Variants in KIF25 observed in about 807,000 individuals in gnomAD.
KIF25 encodes kinesin-like protein KIF25.
KIF25 carries 19 observed loss-of-function variants against 32.9 expected under a neutral mutation model. That is an observed-to-expected ratio of 0.58 (90% CI 0.40 to 0.85). KIF25 has a LOEUF of 0.85. Among genes scored for constraint, KIF25 ranks in the 40% least tolerant of loss-of-function variants. The pLI, the probability that KIF25 is intolerant of heterozygous loss-of-function variation, is 0.00. For missense variants in KIF25, 485 were observed against 507.0 expected (o/e 0.96, Z 0.42); for synonymous variants, 225 against 213.7 (o/e 1.05, Z -0.46).
At chr6:168,016,436 C>T (rs1798715460) in intron 4 of KIF25, among the ~76,000 whole-genome samples, 1 of 152,230 alleles carries the variant, frequency 6.6e-6, no homozygotes. Flanking sequence ...CCACGGACCG[C>T]CCCAGCCACC....
rs1798446538 is a variant in KIF25, at chr6:167,998,114, A to C, written c.-1355A>C. ...TGGGTTGCTATAAAGACAAAGGGAG[A>C]TATCAGTGAAGCACCTGGCACTTCA... On this transcript the variant is annotated 5_prime_UTR_variant, in exon 1 of 13. Coordinates refer to ENST00000643607, the MANE Select transcript of KIF25 (RefSeq NM_030615.4). 1 of 151,084 alleles carries C rather than the reference A, an allele frequency of 6.6e-6. No individual in the cohort carries two copies. Among genetic ancestry groups the C allele is most frequent in the East Asian group, 1.9e-4 (1 of 5,156 alleles). The allele number at this position is 151,084 out of a possible 1,614,324, so 9.4% of individuals were successfully genotyped here. A position where few individuals can be genotyped will look rare whatever the true frequency, so the allele number is the denominator to read the frequency against.
rs75932780 is a variant in KIF25, at chr6:168,025,576, A to G, written c.-94-3916A>G. 3.6e-3 allele frequency among the ~76,000 whole-genome samples: 547 copies of G among 152,146 alleles called. 2 individuals are homozygous for G. The highest frequency in any genetic ancestry group is 0.013 in the African/African-American group (521 of 41,486). ...TTCCTTCCTCCCGACCCCACCTCCA[A>G]TCCTTGCAGTTTACTGTTACACACC... On this transcript the variant is annotated intron_variant, in intron 5 of 12. Coordinates refer to ENST00000643607, the MANE Select transcript of KIF25 (RefSeq NM_030615.4).
chr6:168,040,158 C>G lies in KIF25; in HGVS notation c.588C>G (p.Ser196=). The G allele has an allele frequency of 6.2e-7, 1 of 1,614,106 alleles. No homozygotes were observed. Among genetic ancestry groups the G allele is most frequent in the East Asian group, 2.2e-5 (1 of 44,888 alleles). Residue 196 remains serine, a synonymous_variant, in exon 10 of 13, where the codon TCC becomes TCG. Coordinates refer to ENST00000643607, the MANE Select transcript of KIF25 (RefSeq NM_030615.4). ...KHPTLVHADS[S]RSHLIITVTL... Reference sequence around the variant, plus strand: ...CCACCCTGGTGCACGCGGATTCCTCCAGGTCTCACCTGATAATTACGGTGA... The same window carrying G: ...CCACCCTGGTGCACGCGGATTCCTCGAGGTCTCACCTGATAATTACGGTGA...
chr6:168,037,363 T>C (rs60544866), intron 8 of KIF25, among the ~76,000 whole-genome samples: 4,183 of 152,312 alleles, frequency 0.027, 207 homozygotes, highest in African/African-American at 0.096. Flanking sequence ...GATTTTCCCT[T>C]GAGTACAGAT....
intron 8 of KIF25, among the ~76,000 whole-genome samples, chr6:168,036,435 A>T (rs1670568553): frequency 6.6e-6 from 1 of 152,186 alleles, no homozygotes; most frequent in South Asian, 2.1e-4. Flanking sequence ...GAGTCAGGGG[A>T]GCTGCGTGCA....
intron 4 of KIF25, among the ~76,000 whole-genome samples, chr6:168,016,800 C>G (rs906314018): frequency 2.6e-5 from 4 of 152,230 alleles, no homozygotes; most frequent in Non-Finnish European, 5.9e-5. Flanking sequence ...AGCCAGGGCG[C>G]TGTTTCATTA....
intron 12 of KIF25, among the ~76,000 whole-genome samples, chr6:168,042,978 C>T (rs550916292): frequency 8.9e-4 from 136 of 152,318 alleles, no homozygotes; most frequent in Non-Finnish European, 1.7e-3. Context: ...GCAGCCCTGG[C>T]CTTTCTCTTC....
chr6:168,040,301 C>T (rs756160727), intron 10 of KIF25, 85 bp downstream of exon 10: 1 of 1,370,166 alleles, frequency 7.3e-7, no homozygotes, highest in East Asian at 2.5e-5. Flanking sequence ...CACAGTGGCT[C>T]ACGCCTGTAA....
chr6:168,010,505 G>C (rs1798633621), intron 4 of KIF25, among the ~76,000 whole-genome samples: 1 of 152,026 alleles, frequency 6.6e-6, no homozygotes, highest in Non-Finnish European at 1.5e-5. Flanking sequence ...ATGTGGTTTT[G>C]ATTGAAAAAA....
intron 5 of KIF25, among the ~76,000 whole-genome samples, chr6:168,023,465 A>G (rs189392414): frequency 9.2e-5 from 14 of 152,146 alleles, no homozygotes; most frequent in Non-Finnish European, 1.3e-4. Context: ...ACAGGGTTTC[A>G]CCATGTTGGC....
chr6:168,031,306 T>C lies in KIF25; in HGVS notation c.167+459T>C, dbSNP rs1407112716. 1.0e-4 allele frequency among the ~76,000 whole-genome samples: 14 copies of C among 136,464 alleles called. No homozygotes were observed. In the Admixed American group the frequency reaches 1.1e-3, roughly 10 times the overall value. The allele number at this position is 136,464 out of a possible 152,430, so 89.5% of individuals were successfully genotyped here. On this transcript the variant is annotated intron_variant, in intron 7 of 12. Transcript: ENST00000643607. ...GGGCTGTAATTTAGGAATGAAGAATTTTTTTTTACTTAATGGAGACACCTT... is the reference window on the plus strand; with the variant it reads ...GGGCTGTAATTTAGGAATGAAGAATCTTTTTTTACTTAATGGAGACACCTT...
Position 168,042,035 on chromosome 6 carries a change from G to A in KIF25, c.713G>A (p.Arg238His), listed in dbSNP as rs536727400. 94 of 1,551,458 alleles carry A rather than the reference G, an allele frequency of 6.1e-5. No individual in the cohort carries two copies. The East Asian group carries it at 1.1e-3, about 18-fold the overall frequency. ...GAGGCAGGAAGGGCAGGAAGGAGCC[G>A]CAGAGCTTCTCAAGGGGCCTTGGCT... is the stretch of plus-strand genomic sequence containing the variant. Reference protein sequence around the residue: ...QTEAGRAGRSRRASQGALAPQ... With the variant: ...QTEAGRAGRSHRASQGALAPQ... Residue 238 changes from arginine (R) to histidine (H), a missense_variant, in exon 11 of 13, where the codon CGC becomes CAC. Arg to His is a conservative substitution (Grantham distance 29). This residue lies in a region of KIF25 where 480 missense variants were observed against 470.3 expected (regional missense o/e 1.02). Transcript: ENST00000643607.
Position 168,044,845 on chromosome 6 carries a change from T to C in KIF25, c.1004T>C (p.Leu335Pro), listed in dbSNP as rs1161090175. 4 of 1,592,996 alleles carry C rather than the reference T, an allele frequency of 2.5e-6. No individual in the cohort carries two copies. In the Admixed American group the frequency reaches 5.3e-5, roughly 21 times the overall value. ...TTTAAAGGAGGCGATGCGAAGTTAC[T>C]GGTGATTCTCTGCATTTCTCCCAGC... ...QDCLGGDAKL[L>P]VILCISPSQR... Residue 335 changes from leucine (L) to proline (P), a missense_variant, in exon 13 of 13, where the codon CTG (leucine) becomes CCG (proline). Around this residue, in one of 2 missense-constraint regions of KIF25, gnomAD observed 480 missense variants for 470.3 expected, o/e 1.02. Coordinates refer to ENST00000643607, the MANE Select transcript of KIF25 (RefSeq NM_030615.4).
chr6:168,029,749 T>G, intron 6 of KIF25, 72 bp downstream of exon 6: 1 of 1,511,728 alleles, frequency 6.6e-7, no homozygotes, highest in Non-Finnish European at 8.9e-7. Context: ...GGCTCACTTT[T>G]CTATTCTTTC....
At chr6:168,005,601 G>T (rs933470301) in intron 4 of KIF25, among the ~76,000 whole-genome samples, 5 of 152,170 alleles carry the variant, frequency 3.3e-5, no homozygotes, top group Non-Finnish European at 5.9e-5. Context: ...CGATCACAAG[G>T]TCCCACAACA....
chr6:168,034,506 G>A (rs1439105349), intron 8 of KIF25, among the ~76,000 whole-genome samples: 1 of 152,104 alleles, frequency 6.6e-6, no homozygotes, highest in Non-Finnish European at 1.5e-5. Flanking sequence ...TGATCCACTC[G>A]CCTCGGCCTC....
rs1427223119 is a variant in KIF25 at position 168,034,049 on chromosome 6, G to T, written c.317+18G>T. 2 of 1,613,036 alleles carry T rather than the reference G, an allele frequency of 1.2e-6. No homozygotes were observed. Among genetic ancestry groups the T allele is most frequent in the South Asian group, 1.1e-5 (1 of 90,986 alleles). On this transcript the variant is annotated intron_variant, in intron 8 of 12. Transcript: ENST00000643607. Reference sequence around the variant, plus strand: ...CTCTTCAGGTACTGCCGATGGTGATGAGTGGGGCAGAGAAATATGGCAGGG... The same window carrying T: ...CTCTTCAGGTACTGCCGATGGTGATTAGTGGGGCAGAGAAATATGGCAGGG...
At chr6:168,001,817 T>C (rs569447003) in intron 2 of KIF25, among the ~76,000 whole-genome samples, 45 of 80,800 alleles carry the variant, frequency 5.6e-4, no homozygotes, top group Admixed American at 8.4e-4. Flanking sequence ...ACCTGAGGCA[T>C]GGCCTCGGGC....
chr6:168,040,045 A>G lies in KIF25; in HGVS notation c.495-20A>G, dbSNP rs1267284508. 4.4e-6 allele frequency: 7 copies of G among 1,603,080 alleles called. No individual in the cohort carries two copies. In the South Asian group the frequency reaches 6.6e-5, roughly 15 times the overall value. ...GGGGGCCGCCCTCACTGTGTTCCCC[A>G]CTGCTTGCCTTGTCTGTAGGGCTGT... On this transcript the variant is annotated intron_variant, in intron 9 of 12. Transcript: ENST00000643607.
Sources: gnomAD v4.1 joint callset for allele counts (sites outside exome capture counted in the v4.1 genomes callset) on GRCh38, gnomAD v4.1.1 for gene constraint, gnomAD v4.1.1 regional missense constraint, MANE v1.5 for transcripts, NCBI Gene and HGNC (gene_info 2026-07-23, HGNC 2026-07-21) for gene names.